The following LRFN1 variants were observed in gnomAD, a reference collection of about 807,000 sequenced individuals.
LRFN1 encodes the protein leucine-rich repeat and fibronectin type III domain-containing protein 1.
LRFN1 carries 20 observed loss-of-function variants against 31.8 expected under a neutral mutation model. That is an observed-to-expected ratio of 0.63 (90% CI 0.44 to 0.91). The LOEUF (loss-of-function observed/expected upper bound fraction) is 0.91, where lower values mean the gene tolerates loss of function less well. Ranked by LOEUF, LRFN1 falls within the 40% of genes least tolerant of loss-of-function variation. The pLI is 0.00. For missense variants in LRFN1, 912 were observed against 1,129.8 expected, an observed-to-expected ratio of 0.81 and a Z score of 2.76; for synonymous variants, 514 against 541.3, an observed-to-expected ratio of 0.95 and a Z score of 0.70.
rs1251283532 is a variant in LRFN1, at chr19:39,314,988, C to T, written c.349G>A (p.Ala117Thr). Residue 117 changes from alanine (A) to threonine (T), a missense_variant, in exon 4 of 5, where the codon GCC becomes ACC. Physicochemically the swap from Ala to Thr is moderately conservative, Grantham distance 58. This residue lies in a region of LRFN1 where 401 missense variants were observed against 572.7 expected (regional missense o/e 0.70). Transcript: ENST00000248668. ...AGGCGGTTGCTGTCCAGGTGCAGGG[C>T]CCGGAGGGCACGCAGGTCGGCGAAG... ...GAFADLRALR[A>T]LHLDSNRLAE... The T allele has an allele frequency of 3.1e-6, 5 of 1,591,406 alleles. No individual in the cohort carries two copies. In the South Asian group the frequency reaches 5.6e-5, roughly 18 times the overall value.
At chr19:39,313,439 G>A (rs1206180617) in intron 4 of LRFN1, among the ~76,000 whole-genome samples, 2 of 152,198 alleles carry the variant, frequency 1.3e-5, no homozygotes, top group African/African-American at 2.4e-5. Flanking sequence ...GCTGAGGGAC[G>A]AGATTCGCTT....
chr19:39,314,680 G>A lies in LRFN1; in HGVS notation c.657C>T (p.Ser219=). 1 of 1,613,040 alleles carries A rather than the reference G, an allele frequency of 6.2e-7. No homozygotes were observed. The highest frequency in any genetic ancestry group is 8.5e-7 in the Non-Finnish European group (1 of 1,179,362). ...LHKLVRLDMT[S]NRLHKLPPDG... ...CGGGCGGGAGTTTATGCAGGCGGTT[G>A]GAGGTCATGTCCAGACGGACCAGCT... Residue 219 remains serine (S), a synonymous_variant, in exon 4 of 5, where the codon TCC becomes TCT. Coordinates refer to ENST00000248668, the MANE Select transcript of LRFN1 (RefSeq NM_020862.2).
rs544491935 is a variant in LRFN1 at position 39,307,572 on chromosome 19, G to C, written c.*61C>G. 302 of 1,344,388 alleles carry C rather than the reference G, an allele frequency of 2.2e-4. No individual in the cohort carries two copies. The African/African-American group carries it at 4.2e-3, about 19-fold the overall frequency. The allele number at this position is 1,344,388 out of a possible 1,614,324, so 83.3% of individuals were successfully genotyped here. On this transcript the variant is annotated 3_prime_UTR_variant, in exon 5 of 5. Coordinates refer to ENST00000248668, the MANE Select transcript of LRFN1 (RefSeq NM_020862.2). The surrounding 1 kb of genome is among the most constrained non-coding windows in gnomAD (Gnocchi z 6.7). ...TGCGCTTTCTCCCAGTCCCGCCCCAGCGTCCGTGCGGCTGGGCGTTTGGTC... is the reference window on the plus strand; with the variant it reads ...TGCGCTTTCTCCCAGTCCCGCCCCACCGTCCGTGCGGCTGGGCGTTTGGTC...
chr19:39,315,111 AGTT>A lies in LRFN1; in HGVS notation c.223_225del (p.Asn75del), dbSNP rs1225311456. 1 of 1,593,920 alleles carries A rather than the reference AGTT, an allele frequency of 6.3e-7. No individual in the cohort carries two copies. The highest frequency in any genetic ancestry group is 8.5e-7 in the Non-Finnish European group (1 of 1,177,618). ...TCTCGGCGGCGCACGGCGGCGATGA[AGTT>A]GTCGGTGAGCCGCAGCTCCACCACG... On this transcript the variant is annotated inframe_deletion, in exon 4 of 5. Coordinates refer to ENST00000248668, the MANE Select transcript of LRFN1 (RefSeq NM_020862.2). This position sits in a 1 kb window ranked among gnomAD's most constrained non-coding sequence, Gnocchi z 4.7.
chr19:39,315,235 G>A lies in LRFN1; in HGVS notation c.102C>T (p.Cys34=), dbSNP rs1321816107. Residue 34 remains cysteine (C), a synonymous_variant, in exon 4 of 5, where the codon TGC becomes TGT. Coordinates refer to ENST00000248668, the MANE Select transcript of LRFN1 (RefSeq NM_020862.2). This position sits in a 1 kb window ranked among gnomAD's most constrained non-coding sequence, Gnocchi z 4.7. The part of the protein sequence containing the change: ...LWAGASRGQP[C]PGRCICQNVA... The stretch of plus-strand genomic sequence containing the variant: ...CGTTCTGGCAGATGCAGCGGCCGGG[G>A]CAGGGCTGGCCACGAGATGCCCCCG... 6 of 1,559,428 alleles carry A rather than the reference G, an allele frequency of 3.8e-6. No homozygotes were observed. Among genetic ancestry groups the A allele is most frequent in the Non-Finnish European group, 5.2e-6 (6 of 1,159,158 alleles).
Position 39,307,895 on chromosome 19 carries a change from G to GGGGGCGCCGAGGTTGGTGGCTCC in LRFN1, c.2031_2053dup (p.Pro685ArgfsTer11). 1 of 1,565,050 alleles carries GGGGGCGCCGAGGTTGGTGGCTCC rather than the reference G, an allele frequency of 6.4e-7. No homozygotes were observed. Among genetic ancestry groups the GGGGGCGCCGAGGTTGGTGGCTCC allele is most frequent in the South Asian group, 1.2e-5 (1 of 86,362 alleles). ...TCCCCCAGGAACTAGAGCTAGAGTAGGGGGCGCCGAGGTTGGTGGCTCCAG... is the reference window on the plus strand; with the variant it reads ...TCCCCCAGGAACTAGAGCTAGAGTAGGGGGCGCCGAGGTTGGTGGCTCCGGGGCGCCGAGGTTGGTGGCTCCAG... On this transcript the variant is annotated frameshift_variant, in exon 5 of 5. Coordinates refer to ENST00000248668, the MANE Select transcript of LRFN1 (RefSeq NM_020862.2). LOFTEE classifies it high-confidence loss of function. The surrounding 1 kb of genome is among the most constrained non-coding windows in gnomAD (Gnocchi z 6.7).
Position 39,315,241 on chromosome 19 carries a change from C to A in LRFN1, c.96G>T (p.Gln32His). 6.4e-7 allele frequency: 1 copy of A among 1,554,906 alleles called. No individual in the cohort carries two copies. Among genetic ancestry groups the A allele is most frequent in the Non-Finnish European group, 8.6e-7 (1 of 1,156,642 alleles). Reference protein sequence around the residue: ...LLLWAGASRGQPCPGRCICQN... With the variant: ...LLLWAGASRGHPCPGRCICQN... ...GGCAGATGCAGCGGCCGGGGCAGGG[C>A]TGGCCACGAGATGCCCCCGCCCAGA... Residue 32 changes from glutamine to histidine, a missense_variant, in exon 4 of 5, where the codon CAG becomes CAT. This residue lies in a region of LRFN1 where 401 missense variants were observed against 572.7 expected (regional missense o/e 0.70). Coordinates refer to ENST00000248668, the MANE Select transcript of LRFN1 (RefSeq NM_020862.2). The surrounding 1 kb of genome is among the most constrained non-coding windows in gnomAD (Gnocchi z 4.7).
rs1436693920 is a variant in LRFN1, at chr19:39,315,313, C to T, written c.24G>A (p.Ser8=). The T allele has an allele frequency of 1.4e-5, 21 of 1,481,924 alleles. No homozygotes were observed. Among genetic ancestry groups the T allele is most frequent in the Non-Finnish European group, 1.5e-5 (17 of 1,119,046 alleles). The allele number at this position is 1,481,924 out of a possible 1,614,324, so 91.8% of individuals were successfully genotyped here. The part of the protein sequence containing the change: MAPGPFS[S]ALLSPPPAAL... ...CAGCGGGCGGCGGCGAGAGGAGGGC[C>T]GAGGAGAAGGGTCCTGGAGCCATGG... Residue 8 remains serine, a synonymous_variant, in exon 4 of 5, where the codon TCG becomes TCA. Coordinates refer to ENST00000248668, the MANE Select transcript of LRFN1 (RefSeq NM_020862.2). The surrounding 1 kb of genome is among the most constrained non-coding windows in gnomAD (Gnocchi z 4.7).
Position 39,315,347 on chromosome 19 carries a change from G to C in LRFN1, c.-11C>G. ...GGGTCCTGGAGCCATGGTGCAGTGG[G>C]AAGGCAGGAGGGGTGGGAGGTGAGA... is the stretch of plus-strand genomic sequence containing the variant. On this transcript the variant is annotated 5_prime_UTR_variant, in exon 4 of 5. Transcript: ENST00000248668. The surrounding 1 kb of genome is among the most constrained non-coding windows in gnomAD (Gnocchi z 4.7). 1 of 1,445,852 alleles carries C rather than the reference G, an allele frequency of 6.9e-7. No homozygotes were observed. The highest frequency in any genetic ancestry group is 9.1e-7 in the Non-Finnish European group (1 of 1,102,714). The allele number at this position is 1,445,852 out of a possible 1,614,324, so 89.6% of individuals were successfully genotyped here. A position where few individuals can be genotyped will look rare whatever the true frequency, so the allele number is the denominator to read the frequency against.
At position 39,314,759 on chromosome 19, in the gene LRFN1, A is replaced by T; in HGVS notation, c.578T>A (p.Leu193Gln). ...GQMVNLNTLT[L>Q]DHNLIDHIAE... ...GATGTGGTCGATGAGGTTGTGGTCC[A>T]GCGTGAGGGTGTTTAGGTTCACCAT... is the stretch of plus-strand genomic sequence containing the variant. The change falls in exon 4 of 5, where the codon CTG (leucine) becomes CAG (glutamine). Residue 193 changes from leucine (L) to glutamine (Q), a missense_variant. Coordinates refer to ENST00000248668, the MANE Select transcript of LRFN1 (RefSeq NM_020862.2). 1 of 1,613,164 alleles carries T rather than the reference A, an allele frequency of 6.2e-7. No individual in the cohort carries two copies. The highest frequency in any genetic ancestry group is 1.1e-5 in the South Asian group (1 of 90,936).
Position 39,308,670 on chromosome 19 carries a change from A to T in LRFN1, c.1407-128T>A. On this transcript the variant is annotated intron_variant, in intron 4 of 4. Transcript: ENST00000248668. This position sits in a 1 kb window ranked among gnomAD's most constrained non-coding sequence, Gnocchi z 6.2. ...CGAAGTCTCAGCCGCTACTGAGACAACAGCAGCAATTCAAGCCCCGCCTCC... is the reference window on the plus strand; with the variant it reads ...CGAAGTCTCAGCCGCTACTGAGACATCAGCAGCAATTCAAGCCCCGCCTCC... 1.2e-6 allele frequency: 1 copy of T among 816,874 alleles called. No individual in the cohort carries two copies. The highest frequency in any genetic ancestry group is 1.9e-6 in the Non-Finnish European group (1 of 534,176). The allele number at this position is 816,874 out of a possible 1,614,324, so 50.6% of individuals were successfully genotyped here. A position where few individuals can be genotyped will look rare whatever the true frequency, so the allele number is the denominator to read the frequency against.
At chr19:39,311,074 T>C (rs2075148932) in intron 4 of LRFN1, among the ~76,000 whole-genome samples, 1 of 152,150 alleles carries the variant, frequency 6.6e-6, no homozygotes, top group Non-Finnish European at 1.5e-5. Flanking sequence ...TTCCCCTAAA[T>C]AGCCAGTTGC....
At chr19:39,313,487 G>A (rs901618962) in intron 4 of LRFN1, among the ~76,000 whole-genome samples, 1 of 152,178 alleles carries the variant, frequency 6.6e-6, no homozygotes, top group African/African-American at 2.4e-5. Flanking sequence ...AGCTGAGTTC[G>A]TGCCACTGCA....
chr19:39,308,527 G>C lies in LRFN1; in HGVS notation c.1422C>G (p.Thr474=). 1 of 1,593,530 alleles carries C rather than the reference G, an allele frequency of 6.3e-7. No homozygotes were observed. Among genetic ancestry groups the C allele is most frequent in the South Asian group, 1.1e-5 (1 of 89,896 alleles). The change falls in exon 5 of 5, where the codon ACC becomes ACG. Residue 474 remains threonine (T), a synonymous_variant. Coordinates refer to ENST00000248668, the MANE Select transcript of LRFN1 (RefSeq NM_020862.2). The surrounding 1 kb of genome is among the most constrained non-coding windows in gnomAD (Gnocchi z 6.2). ...GGTCATTCACCAGGAAGGTCTGACT[G>C]GTGGACGGGATCATCCTGTAGGAGG... The part of the protein sequence containing the change: ...DSLVYRMIPS[T]SQTFLVNDLA...
Position 39,314,857 on chromosome 19 carries a change from G to A in LRFN1, c.480C>T (p.Phe160=), listed in dbSNP as rs374526893. 8 of 1,611,642 alleles carry A rather than the reference G, an allele frequency of 5.0e-6. No homozygotes were observed. Among genetic ancestry groups the A allele is most frequent in the Non-Finnish European group, 5.9e-6 (7 of 1,178,952 alleles). The part of the protein sequence containing the change: ...RRVESAAFDA[F]LSTVEDLDLS... ...GATCCAGGTCCTCCACGGTGGACAG[G>A]AAGGCGTCAAAGGCCGCCGACTCCA... The change falls in exon 4 of 5, where the codon TTC becomes TTT. Residue 160 remains phenylalanine (F), a synonymous_variant. Coordinates refer to ENST00000248668, the MANE Select transcript of LRFN1 (RefSeq NM_020862.2).
intron 4 of LRFN1, among the ~76,000 whole-genome samples, chr19:39,309,195 C>G (rs1282370262): frequency 6.6e-5 from 10 of 152,180 alleles, no homozygotes; most frequent in Non-Finnish European, 1.5e-4. Flanking sequence ...GTGGCTCACG[C>G]CTGTAATCCC....
Position 39,306,958 on chromosome 19 carries a change from T to G in LRFN1, c.*675A>C. On this transcript the variant is annotated 3_prime_UTR_variant, in exon 5 of 5. Coordinates refer to ENST00000248668, the MANE Select transcript of LRFN1 (RefSeq NM_020862.2). The stretch of plus-strand genomic sequence containing the variant: ...TTCCAGTGGGACCTGCCCGGGAGAA[T>G]GAGTAAAGAGAAGAAATCAGGAGAG... 5.0e-6 allele frequency: 1 copy of G among 201,872 alleles called. No homozygotes were observed. The allele number at this position is 201,872 out of a possible 1,614,324, so 12.5% of individuals were successfully genotyped here.
intron 1 of LRFN1, among the ~76,000 whole-genome samples, chr19:39,319,150 CA>C (rs1266892504): frequency 1.3e-5 from 2 of 152,210 alleles, no homozygotes; most frequent in Non-Finnish European, 2.9e-5. Flanking sequence ...CTGCATGCAA[CA>C]ATACATGTAC....
In LRFN1 at chr19:39,308,908, A is replaced by G. The variant is rs1169771833; in HGVS notation, c.1407-366T>C. The stretch of plus-strand genomic sequence containing the variant: ...CTAGCTATGTCTCACTCTTGCTAGG[A>G]CAACTGCCATTCAAGGTCCTTCATC... On this transcript the variant is annotated intron_variant, in intron 4 of 4. Transcript: ENST00000248668. The surrounding 1 kb of genome is among the most constrained non-coding windows in gnomAD (Gnocchi z 6.2). 6.6e-6 allele frequency among the ~76,000 whole-genome samples: 1 copy of G among 152,150 alleles called. No individual in the cohort carries two copies. The highest frequency in any genetic ancestry group is 2.4e-5 in the African/African-American group (1 of 41,430).
Sources: gnomAD v4.1 joint callset for allele counts (sites outside exome capture counted in the v4.1 genomes callset) on GRCh38, gnomAD v4.1.1 for gene constraint, gnomAD v4.1.1 regional missense constraint, Gnocchi (gnomAD v3.1) non-coding constraint, MANE v1.5 for transcripts, NCBI Gene and HGNC (gene_info 2026-07-23, HGNC 2026-07-21) for gene names.